Variants in FAM78B observed in about 807,000 individuals in gnomAD.
FAM78B encodes family with sequence similarity 78 member B.
In FAM78B, 10 loss-of-function variants were observed where a neutral mutation model predicts 20.0. The observed-to-expected ratio is 0.50, with a 90% confidence interval of 0.31 to 0.85. The LOEUF (loss-of-function observed/expected upper bound fraction) is 0.85. FAM78B is among the 40% of genes least tolerant of loss of function. FAM78B has a pLI of 0.05. For synonymous variants in FAM78B, 135 were observed against 132.8 expected, an observed-to-expected ratio of 1.02 and a Z score of -0.12; for missense variants, 283 against 345.0, an observed-to-expected ratio of 0.82 and a Z score of 1.42.
chr1:166,106,065 G>A (rs1001564829), intron 1 of FAM78B, among the ~76,000 whole-genome samples: 9 of 151,696 alleles, frequency 5.9e-5, no homozygotes, highest in African/African-American at 1.9e-4. Context: ...AGGGACATGG[G>A]TGAAGATGGA....
In FAM78B at chr1:166,070,660, TCA is replaced by T; in HGVS notation, c.365_366del (p.Val122AspfsTer18). ...YPWYGNTTETVTLVGPTNKIS... is the reference protein window; with the variant it reads ...YPWYGNTTETXTLVGPTNKIS... The stretch of plus-strand genomic sequence containing the variant: ...ATCTTGTTGGTGGGGCCAACCAGGG[TCA>T]CAGTTTCTGTGGTGTTCCCGTACCA... On this transcript the variant is annotated frameshift_variant, in exon 2 of 2. Transcript: ENST00000354422. LOFTEE classifies it high-confidence loss of function. The T allele has an allele frequency of 6.2e-7, 1 of 1,613,806 alleles. No homozygotes were observed. The highest frequency in any genetic ancestry group is 8.5e-7 in the Non-Finnish European group (1 of 1,180,004).
At chr1:166,109,848 A>ATATATATG (rs1653947350) in intron 1 of FAM78B, among the ~76,000 whole-genome samples, 1 of 28,450 alleles carries the variant, frequency 3.5e-5, no homozygotes, top group Non-Finnish European at 8.1e-5. Flanking sequence ...ATGTATATAT[A>ATATATATG]TATATATATA....
intron 1 of FAM78B, among the ~76,000 whole-genome samples, chr1:166,080,742 C>T (rs867173163): frequency 6.6e-6 from 1 of 152,250 alleles, no homozygotes; most frequent in Non-Finnish European, 1.5e-5. Context: ...CTCCCAGTCA[C>T]GTGAGTCTCA....
chr1:166,135,969 T>A (rs976353308), intron 1 of FAM78B, among the ~76,000 whole-genome samples: 2 of 152,232 alleles, frequency 1.3e-5, no homozygotes, highest in African/African-American at 4.8e-5. Context: ...AGATCTAGTC[T>A]CCTAAGACCT....
rs561641167 is a variant in FAM78B at position 166,106,928 on chromosome 1, TA to T, written c.264-36166del. On this transcript the variant is annotated intron_variant, in intron 1 of 1. Transcript: ENST00000354422. ...TCATCAATAAAAACATATACAAAAG[TA>T]AAAAAAAAAATCTTTGAACTGAAGA... Among the ~76,000 whole-genome samples the T allele has an allele frequency of 1.2e-3, 178 of 146,032 alleles. 3 individuals carry two copies. In the South Asian group the frequency reaches 0.029, roughly 24 times the overall value.
Position 166,165,178 on chromosome 1 carries a change from G to A in FAM78B, c.263+808C>T, listed in dbSNP as rs573688457. 3.3e-5 allele frequency: 5 copies of A among 152,322 alleles called. No homozygotes were observed. The South Asian group carries it at 1.0e-3, about 32-fold the overall frequency. 9.4% of individuals were successfully genotyped at this position (152,322 alleles called of 1,614,324 possible). ...CGATAGAATTCGGCGGTGGGCGCCA[G>A]GGGAATCCCTTCCAGTGCCGCAATT... On this transcript the variant is annotated intron_variant, in intron 1 of 1. Coordinates refer to ENST00000354422, the MANE Select transcript of FAM78B (RefSeq NM_001017961.5).
exon 3 of FAM78B, chr1:166,060,342 TG>T: frequency 3.0e-6 from 1 of 334,988 alleles, no homozygotes; most frequent in Non-Finnish European, 5.9e-6. Context: ...GGAAAGGACT[TG>T]GGATCTGAAT....
downstream of FAM78B, among the ~76,000 whole-genome samples, chr1:166,066,402 G>A (rs10082085): frequency 0.042 from 6,391 of 152,270 alleles, 423 homozygotes; most frequent in African/African-American, 0.14. Context: ...CTACATGACA[G>A]TGTAGATGAA....
intron 1 of FAM78B, among the ~76,000 whole-genome samples, chr1:166,104,910 A>C (rs571837812): frequency 1.1e-3 from 171 of 152,324 alleles, no homozygotes; most frequent in African/African-American, 3.7e-3. Flanking sequence ...AATCCTAAGC[A>C]AAAAGAACAA....
downstream of FAM78B, among the ~76,000 whole-genome samples, chr1:166,068,527 C>T (rs1651887033): frequency 6.6e-6 from 1 of 152,146 alleles, no homozygotes; most frequent in Admixed American, 6.5e-5. Flanking sequence ...AAGTAAGTAC[C>T]ATCCCCTGGG....
rs117288250 is a variant in FAM78B at position 166,120,645 on chromosome 1, C to T, written c.263+45341G>A. ...CAGGGGTCCTAAAGAGGGGTCCCTG[C>T]GGACGACTGCAAGGGAGGCTGAATA... On this transcript the variant is annotated intron_variant, in intron 1 of 1. Transcript: ENST00000354422. Among the ~76,000 whole-genome samples, 203 of 152,260 alleles carry T rather than the reference C, an allele frequency of 1.3e-3. 3 individuals are homozygous for T. In the East Asian group the frequency reaches 0.028, roughly 21 times the overall value.
chr1:166,094,059 T>C (rs981211683), intron 1 of FAM78B, among the ~76,000 whole-genome samples: 2 of 126,282 alleles, frequency 1.6e-5, no homozygotes, highest in African/African-American at 5.6e-5. Context: ...TGTTCTTGAA[T>C]CTCTGCTTTA....
At chr1:166,154,210 G>A (rs745989419) in intron 1 of FAM78B, among the ~76,000 whole-genome samples, 1 of 152,210 alleles carries the variant, frequency 6.6e-6, no homozygotes, top group African/African-American at 2.4e-5. Context: ...CAGGGGCTAG[G>A]AAGATACCTT....
At chr1:166,087,295 C>G (rs1557894784) in intron 1 of FAM78B, 1 of 152,094 alleles carries the variant, frequency 6.6e-6, no homozygotes, top group Non-Finnish European at 1.5e-5. Context: ...GAACTCCTGA[C>G]CTTGTGATCC....
intron 1 of FAM78B, among the ~76,000 whole-genome samples, chr1:166,075,302 G>C (rs1190530539): frequency 6.6e-6 from 1 of 152,128 alleles, no homozygotes; most frequent in Non-Finnish European, 1.5e-5. Flanking sequence ...ATGGACAGGA[G>C]GTGTCACATA....
At chr1:166,091,036 C>T (rs1002314742) in intron 1 of FAM78B, among the ~76,000 whole-genome samples, 3 of 152,120 alleles carry the variant, frequency 2.0e-5, no homozygotes, top group Admixed American at 6.5e-5. Context: ...AGGATTTGAA[C>T]GTAGGCTGAC....
chr1:166,134,619 T>A (rs1655005646), intron 1 of FAM78B, among the ~76,000 whole-genome samples: 1 of 152,314 alleles, frequency 6.6e-6, no homozygotes, highest in South Asian at 2.1e-4. Context: ...AAATTTTGAC[T>A]GGAGCATATG....
chr1:166,057,011 C>T (rs149856550), downstream of FAM78B, among the ~76,000 whole-genome samples: 3 of 152,168 alleles, frequency 2.0e-5, no homozygotes, highest in Non-Finnish European at 4.4e-5. Context: ...GTGCCAAGTA[C>T]GAACTAGAAA....
chr1:166,060,503 G>T, exon 3 of FAM78B: 1 of 867,260 alleles, frequency 1.2e-6, no homozygotes, highest in Non-Finnish European at 1.7e-6. Flanking sequence ...GTCACGGGAC[G>T]GGAGGAAGGC....
Sources: gnomAD v4.1 joint callset for allele counts (sites outside exome capture counted in the v4.1 genomes callset) on GRCh38, gnomAD v4.1.1 for gene constraint, MANE v1.5 for transcripts, NCBI Gene and HGNC (gene_info 2026-07-23, HGNC 2026-07-21) for gene names.